PRMT3: variants seen among roughly 807,000 people sequenced by gnomAD.
PRMT3 encodes protein arginine N-methyltransferase 3.
A neutral mutation model predicts 71.9 loss-of-function variants in PRMT3; 62 were observed. The observed-to-expected ratio is 0.86, with a 90% CI of 0.70 to 1.07. The LOEUF (loss-of-function observed/expected upper bound fraction) is 1.07, where lower values mean the gene tolerates loss of function less well. Among genes scored for constraint, PRMT3 ranks in the 50% least tolerant of loss-of-function variants. PRMT3 has a pLI of 0.00. For missense variants in PRMT3, 663 were observed against 643.0 expected, an observed-to-expected ratio of 1.03 and a Z score of -0.34; for synonymous variants, 213 against 220.4, an observed-to-expected ratio of 0.97 and a Z score of 0.30.
chr11:20,455,776 C>T (rs756418469), intron 11 of PRMT3, among the ~76,000 whole-genome samples: 9 of 151,414 alleles, frequency 5.9e-5, no homozygotes, highest in Non-Finnish European at 1.2e-4. Context: ...TGGTATAGGC[C>T]TGACTATACA....
intron 2 of PRMT3, among the ~76,000 whole-genome samples, chr11:20,388,591 C>T (rs1349475351): frequency 6.6e-6 from 1 of 152,230 alleles, no homozygotes; most frequent in Non-Finnish European, 1.5e-5. Flanking sequence ...ATAATCCCTA[C>T]GGAGCCTTCC....
chr11:20,465,305 G>T (rs1175564719), intron 13 of PRMT3, among the ~76,000 whole-genome samples: 4 of 151,924 alleles, frequency 2.6e-5, no homozygotes, highest in South Asian at 4.1e-4. Flanking sequence ...GACTCAAATT[G>T]TTCATAAAAT....
At chr11:20,488,388 T>C (rs1269112098) in intron 13 of PRMT3, among the ~76,000 whole-genome samples, 1 of 152,200 alleles carries the variant, frequency 6.6e-6, no homozygotes, top group Non-Finnish European at 1.5e-5. Context: ...CTTTCTTTGC[T>C]TGCTTCAGAC....
intron 11 of PRMT3, among the ~76,000 whole-genome samples, chr11:20,457,962 G>C (rs887049000): frequency 2.0e-5 from 3 of 152,126 alleles, no homozygotes; most frequent in Admixed American, 1.3e-4. Context: ...ACGTTAGTGG[G>C]TCTTGTCATT....
intron 10 of PRMT3, among the ~76,000 whole-genome samples, chr11:20,428,698 G>A (rs990594096): frequency 2.6e-5 from 4 of 152,196 alleles, no homozygotes; most frequent in Admixed American, 6.5e-5. Context: ...GGCTAACCCT[G>A]CAGGCTGCCT....
chr11:20,400,833 T>C (rs1848932847), intron 7 of PRMT3, among the ~76,000 whole-genome samples: 1 of 151,700 alleles, frequency 6.6e-6, no homozygotes, highest in African/African-American at 2.4e-5. Flanking sequence ...TTTCTTAGTT[T>C]CAAGGTTGAT....
At chr11:20,493,388 T>C (rs1233288026) in intron 13 of PRMT3, among the ~76,000 whole-genome samples, 1 of 152,264 alleles carries the variant, frequency 6.6e-6, no homozygotes, top group Non-Finnish European at 1.5e-5. Flanking sequence ...TTTATTGCTA[T>C]GTAATAGCCC....
In PRMT3 at chr11:20,395,946, G is replaced by A. The variant is rs750230053; in HGVS notation, c.544G>A (p.Asp182Asn). The A allele has an allele frequency of 6.2e-7, 1 of 1,607,666 alleles. No homozygotes were observed. The highest frequency in any genetic ancestry group is 1.1e-5 in the South Asian group (1 of 89,276). The change falls in exon 6 of 16, where the codon GAT becomes AAT. Residue 182 changes from aspartate (D) to asparagine (N), a missense_variant. Transcript: ENST00000331079. ...AEAALARARE[D>N]LQKMKQFAQD... Reference sequence around the variant, plus strand: ...AGCCGCATTGGCCAGAGCACGTGAGGATCTGCAAAAAATGAAGTAATTTAT... The same window carrying A: ...AGCCGCATTGGCCAGAGCACGTGAGAATCTGCAAAAAATGAAGTAATTTAT...
chr11:20,426,572 A>T (rs760523602), intron 9 of PRMT3, among the ~76,000 whole-genome samples, 194 bp from the exon 10 acceptor site: 4 of 152,212 alleles, frequency 2.6e-5, no homozygotes, highest in Admixed American at 6.5e-5. Flanking sequence ...CTGTATTGCC[A>T]TATTAACCAC....
chr11:20,402,449 G>T (rs1343283313), intron 7 of PRMT3, among the ~76,000 whole-genome samples: 1 of 151,522 alleles, frequency 6.6e-6, no homozygotes, highest in African/African-American at 2.4e-5. Flanking sequence ...TTTTTTGGAG[G>T]CAGGGTCTCA....
chr11:20,410,769 G>A (rs1849177577), intron 9 of PRMT3, among the ~76,000 whole-genome samples: 1 of 152,040 alleles, frequency 6.6e-6, no homozygotes, highest in African/African-American at 2.4e-5. Context: ...CAAAGGATGG[G>A]TGTCAATTTG....
At chr11:20,448,911 A>G (rs938767328) in intron 10 of PRMT3, among the ~76,000 whole-genome samples, 3 of 152,152 alleles carry the variant, frequency 2.0e-5, no homozygotes, top group African/African-American at 7.2e-5. Context: ...CTCCTTCCAG[A>G]TGGCACCCCT....
intron 9 of PRMT3, among the ~76,000 whole-genome samples, chr11:20,413,853 A>G (rs1443860183): frequency 6.6e-6 from 1 of 152,114 alleles, no homozygotes; most frequent in East Asian, 1.9e-4. Context: ...ATCAGTCAAC[A>G]AAAACAGCTC....
intron 10 of PRMT3, among the ~76,000 whole-genome samples, chr11:20,444,420 T>C (rs1379203108): frequency 6.6e-6 from 1 of 152,188 alleles, no homozygotes; most frequent in Non-Finnish European, 1.5e-5. Flanking sequence ...CTTGCTTTTT[T>C]CGTCAATAAG....
intron 10 of PRMT3, among the ~76,000 whole-genome samples, chr11:20,447,481 G>A (rs1850056459): frequency 6.6e-6 from 1 of 152,052 alleles, no homozygotes; most frequent in Non-Finnish European, 1.5e-5. Flanking sequence ...GCTTTAGAAT[G>A]ATTGTTTCTA....
At chr11:20,436,195 C>T (rs6483681) in intron 10 of PRMT3, among the ~76,000 whole-genome samples, 129,296 of 152,208 alleles carry the variant, frequency 0.85, 56,115 homozygotes, top group Non-Finnish European at 0.95. Flanking sequence ...TGTTTGTCAG[C>T]TCTAAGAGGT....
intron 8 of PRMT3, chr11:20,406,404 C>G (rs915504975): frequency 2.0e-5 from 3 of 152,196 alleles, no homozygotes; most frequent in Non-Finnish European, 2.9e-5. Flanking sequence ...ACTGTATTTC[C>G]TTTTGTAACC....
chr11:20,450,131 A>T (rs1263858414), intron 10 of PRMT3, among the ~76,000 whole-genome samples: 5 of 152,130 alleles, frequency 3.3e-5, no homozygotes, highest in Non-Finnish European at 7.4e-5. Flanking sequence ...AAATCAATAC[A>T]AACTTTTTTG....
At chr11:20,453,556 T>A (rs1046714154) in intron 11 of PRMT3, among the ~76,000 whole-genome samples, 10 of 152,058 alleles carry the variant, frequency 6.6e-5, no homozygotes, top group African/African-American at 2.4e-4. Context: ...GTTCTTTTTA[T>A]AATGGCATTT....
Sources: gnomAD v4.1 joint callset for allele counts (sites outside exome capture counted in the v4.1 genomes callset) on GRCh38, gnomAD v4.1.1 for gene constraint, MANE v1.5 for transcripts, NCBI Gene and HGNC (gene_info 2026-07-23, HGNC 2026-07-21) for gene names.